Variants in DPYD observed in about 807,000 individuals in gnomAD.
DPYD encodes dihydropyrimidine dehydrogenase [NADP(+)].
In DPYD, 109 loss-of-function variants were observed where a neutral mutation model predicts 116.2. The observed-to-expected ratio is 0.94, with a 90% CI of 0.80 to 1.10. DPYD has a LOEUF of 1.10. DPYD is among the 50% of genes least tolerant of loss of function. The pLI, the probability that DPYD is intolerant of heterozygous loss-of-function variation, is 0.00. For missense variants in DPYD, 1,302 were observed against 1,254.5 expected (o/e 1.04, Z -0.57); for synonymous variants, 440 against 432.0 (o/e 1.02, Z -0.23).
At chr1:97,685,669 C>A (rs1033299447) in intron 7 of DPYD, among the ~76,000 whole-genome samples, 13 of 152,240 alleles carry the variant, frequency 8.5e-5, no homozygotes, top group Non-Finnish European at 1.6e-4. Context: ...GTGCAAAAAC[C>A]ACTAGCATTC....
At chr1:97,611,274 T>A (rs937385128) in intron 8 of DPYD, among the ~76,000 whole-genome samples, 1 of 151,940 alleles carries the variant, frequency 6.6e-6, no homozygotes, top group Non-Finnish European at 1.5e-5. Flanking sequence ...CCATTTACTA[T>A]CACGAGAACA....
chr1:97,869,430 G>A (rs963206713), intron 2 of DPYD, among the ~76,000 whole-genome samples: 6 of 151,714 alleles, frequency 4.0e-5, no homozygotes, highest in African/African-American at 1.5e-4. Context: ...CTGTATGTGA[G>A]GGGGTCAGAA....
intron 8 of DPYD, among the ~76,000 whole-genome samples, chr1:97,677,740 A>C (rs1203660837): frequency 1.3e-5 from 2 of 152,138 alleles, no homozygotes; most frequent in Non-Finnish European, 2.9e-5. Context: ...GACAGTGTAA[A>C]TTTATATTGC....
chr1:97,685,868 T>C (rs933825950), intron 7 of DPYD, among the ~76,000 whole-genome samples: 4 of 152,198 alleles, frequency 2.6e-5, no homozygotes, highest in African/African-American at 4.8e-5. Context: ...TCCATGCTCA[T>C]GAATAAGAAT....
intron 14 of DPYD, among the ~76,000 whole-genome samples, chr1:97,434,320 A>G (rs993208382): frequency 2.0e-5 from 3 of 152,148 alleles, no homozygotes; most frequent in African/African-American, 7.2e-5. Context: ...ACAAATGCAA[A>G]GTGAAATATC....
chr1:97,583,244 C>G (rs985374446), intron 10 of DPYD, among the ~76,000 whole-genome samples: 3 of 152,198 alleles, frequency 2.0e-5, no homozygotes, highest in Non-Finnish European at 4.4e-5. Flanking sequence ...GCTGGGATTA[C>G]AGGCGTGAAC....
chr1:97,901,661 C>T (rs1673374856), intron 1 of DPYD, among the ~76,000 whole-genome samples: 1 of 151,734 alleles, frequency 6.6e-6, no homozygotes, highest in South Asian at 2.1e-4. Flanking sequence ...ATATTTAGTA[C>T]TGTTTGGCTC....
chr1:97,352,923 T>C (rs553981246), intron 16 of DPYD, among the ~76,000 whole-genome samples: 1 of 151,778 alleles, frequency 6.6e-6, no homozygotes, highest in South Asian at 2.1e-4. Context: ...AAACGACGCA[T>C]GACAGAAAGG....
At chr1:97,823,526 A>C (rs1669072232) in intron 3 of DPYD, among the ~76,000 whole-genome samples, 1 of 152,138 alleles carries the variant, frequency 6.6e-6, no homozygotes, top group African/African-American at 2.4e-5. Context: ...GGTAACCACT[A>C]TTCTACTCTC....
intron 14 of DPYD, among the ~76,000 whole-genome samples, chr1:97,424,086 CAA>C (rs1218600497): frequency 2.6e-5 from 4 of 152,014 alleles, no homozygotes; most frequent in East Asian, 1.9e-4. Flanking sequence ...CTAATGATAA[CAA>C]GAGACAATTC....
intron 13 of DPYD, among the ~76,000 whole-genome samples, chr1:97,485,794 G>A (rs1383227047): frequency 6.6e-6 from 1 of 152,100 alleles, no homozygotes; most frequent in African/African-American, 2.4e-5. Flanking sequence ...TCAGATATCT[G>A]CAGTTGGCTA....
chr1:97,239,018 T>G (rs748711737), intron 18 of DPYD, among the ~76,000 whole-genome samples: 16 of 152,196 alleles, frequency 1.1e-4, no homozygotes, highest in Non-Finnish European at 2.2e-4. Flanking sequence ...ACTGGACTTA[T>G]GAGTTGCAAC....
intron 12 of DPYD, among the ~76,000 whole-genome samples, chr1:97,520,989 T>C (rs1421297248): frequency 3.9e-5 from 6 of 152,148 alleles, no homozygotes; most frequent in Non-Finnish European, 8.8e-5. Flanking sequence ...GGGTATATAC[T>C]TAGTAATGGG....
chr1:97,449,466 G>T (rs1055805005), intron 14 of DPYD, among the ~76,000 whole-genome samples: 1 of 152,002 alleles, frequency 6.6e-6, no homozygotes, highest in Admixed American at 6.6e-5. Context: ...GACAATAAAT[G>T]AATGACATTA....
intron 18 of DPYD, chr1:97,296,233 T>C (rs1257448909): frequency 6.6e-6 from 1 of 152,192 alleles, no homozygotes; most frequent in Non-Finnish European, 1.5e-5. Context: ...GCAAATCAGG[T>C]AAAACCCAGG....
intron 3 of DPYD, among the ~76,000 whole-genome samples, chr1:97,799,653 T>C (rs1667753440): frequency 1.3e-5 from 2 of 151,998 alleles, no homozygotes; most frequent in Admixed American, 6.6e-5. Flanking sequence ...TCACTGAGAA[T>C]ACTTTAATCC....
At chr1:97,810,696 T>C (rs563718419) in intron 3 of DPYD, among the ~76,000 whole-genome samples, 1 of 152,298 alleles carries the variant, frequency 6.6e-6, no homozygotes, top group East Asian at 1.9e-4. Flanking sequence ...CCATGCAGAC[T>C]CTCTGTATTC....
intron 10 of DPYD, among the ~76,000 whole-genome samples, chr1:97,586,903 C>T (rs776871868): frequency 6.6e-6 from 1 of 152,072 alleles, no homozygotes; most frequent in Non-Finnish European, 1.5e-5. Context: ...ATAGAGCTGT[C>T]ACTCTGTGAA....
chr1:97,626,892 G>T (rs1227222990), intron 8 of DPYD, among the ~76,000 whole-genome samples: 1 of 151,912 alleles, frequency 6.6e-6, no homozygotes, highest in Non-Finnish European at 1.5e-5. Flanking sequence ...AGCTTAAATA[G>T]ACTGAAATAC....
Sources: allele counts gnomAD v4.1 joint callset (sites outside exome capture counted in the v4.1 genomes callset), GRCh38; gene constraint gnomAD v4.1.1; transcripts MANE v1.5; gene names NCBI Gene and HGNC (gene_info 2026-07-23, HGNC 2026-07-21).